Variants in KHDRBS1 observed in about 807,000 individuals in gnomAD.
KHDRBS1 encodes the protein KH RNA binding domain containing, signal transduction associated 1.
In KHDRBS1, 7 loss-of-function variants were observed where a neutral mutation model predicts 48.4. The ratio of observed to expected loss-of-function variants is 0.14; its 90% CI spans 0.08 to 0.27. The LOEUF (loss-of-function observed/expected upper bound fraction) is 0.27, where lower values mean the gene tolerates loss of function less well. KHDRBS1 is among the 10% of genes least tolerant of loss of function. The probability of loss-of-function intolerance (pLI) is 1.00; values close to 1 mark genes in which losing one functional copy is unlikely to be tolerated. For missense variants in KHDRBS1, 458 were observed against 601.2 expected, an observed-to-expected ratio of 0.76 and a Z score of 2.49; for synonymous variants, 241 against 235.8, an observed-to-expected ratio of 1.02 and a Z score of -0.20.
chr1:32,032,920 C>T (rs1639107977), intron 3 of KHDRBS1, among the ~76,000 whole-genome samples: 1 of 152,186 alleles, frequency 6.6e-6, no homozygotes, highest in Non-Finnish European at 1.5e-5. Flanking sequence ...GAACTCCTGA[C>T]CTTGTGATCC....
At position 32,042,524 on chromosome 1, in the gene KHDRBS1, C is replaced by A. The variant is rs945000150; in HGVS notation, c.1235-3C>A. The A allele has an allele frequency of 6.2e-6, 10 of 1,608,962 alleles. No individual in the cohort carries two copies. Among genetic ancestry groups the A allele is most frequent in the East Asian group, 4.5e-5 (2 of 44,860 alleles). On this transcript the variant is annotated splice_polypyrimidine_tract_variant and splice_region_variant and intron_variant, in intron 8 of 8. Transcript: ENST00000327300. Reference sequence around the variant, plus strand: ...TTATAAACTGTCTTTGTTTTCCCCACAGGCCAGGACGACTGGAATGGGACC... The same window carrying A: ...TTATAAACTGTCTTTGTTTTCCCCAAAGGCCAGGACGACTGGAATGGGACC...
chr1:32,030,036 G>T (rs943732626), intron 1 of KHDRBS1, among the ~76,000 whole-genome samples: 1 of 151,986 alleles, frequency 6.6e-6, no homozygotes, highest in Non-Finnish European at 1.5e-5. Context: ...TTGTTAAATT[G>T]ATTTAAGAAA....
chr1:32,054,494 G>A (rs1639458127), intron 10 of KHDRBS1: 5 of 152,126 alleles, frequency 3.3e-5, no homozygotes, highest in Admixed American at 3.3e-4. Flanking sequence ...ATCTCCTTGT[G>A]TCGTATTCCT....
At chr1:32,055,339 T>A (rs944626329) in intron 10 of KHDRBS1, among the ~76,000 whole-genome samples, 11 of 151,972 alleles carry the variant, frequency 7.2e-5, no homozygotes, top group African/African-American at 2.7e-4. Context: ...TCCCAGCTAC[T>A]TGGGAGGCTG....
intron 10 of KHDRBS1, among the ~76,000 whole-genome samples, chr1:32,049,910 C>T (rs1249193340): frequency 1.3e-5 from 2 of 152,148 alleles, no homozygotes; most frequent in African/African-American, 4.8e-5. Flanking sequence ...ATCCACCTGC[C>T]TCAGCCTCCC....
At chr1:32,028,023 A>G (rs1639008625) in intron 1 of KHDRBS1, among the ~76,000 whole-genome samples, 1 of 152,246 alleles carries the variant, frequency 6.6e-6, no homozygotes, top group South Asian at 2.1e-4. Flanking sequence ...AGGCTGAGGC[A>G]GGAGAATCGC....
At chr1:32,020,671 A>G (rs1358772154) in intron 1 of KHDRBS1, among the ~76,000 whole-genome samples, 1 of 152,188 alleles carries the variant, frequency 6.6e-6, no homozygotes. Flanking sequence ...CTTGATCACA[A>G]GAGAATTAAG....
At chr1:32,046,153 C>T (rs971525091), downstream of KHDRBS1, among the ~76,000 whole-genome samples, 18 of 151,800 alleles carry the variant, frequency 1.2e-4, no homozygotes, top group Admixed American at 1.1e-3. Flanking sequence ...TAATCCTATA[C>T]TATACTGTCC....
intron 4 of KHDRBS1, among the ~76,000 whole-genome samples, chr1:32,034,778 C>T (rs1391079941): frequency 6.6e-6 from 1 of 151,498 alleles, no homozygotes; most frequent in African/African-American, 2.4e-5. Context: ...GAGATCAAGG[C>T]CATCCTGGCT....
chr1:32,033,036 T>C, intron 3 of KHDRBS1, 152 bp from the exon 4 acceptor site: 1 of 602,862 alleles, frequency 1.7e-6, no homozygotes. Context: ...TTCTTTTTTC[T>C]TTTTTTGTTT....
intron 1 of KHDRBS1, among the ~76,000 whole-genome samples, chr1:32,027,452 G>A (rs1638996770): frequency 6.6e-6 from 1 of 152,242 alleles, no homozygotes; most frequent in East Asian, 1.9e-4. Flanking sequence ...AAACAGTAAG[G>A]GTTAGGGTTA....
downstream of KHDRBS1, among the ~76,000 whole-genome samples, chr1:32,045,070 A>G (rs1639341415): frequency 6.6e-6 from 1 of 152,328 alleles, no homozygotes; most frequent in African/African-American, 2.4e-5. Flanking sequence ...TAAATGACAC[A>G]TTGTAAAATT....
downstream of KHDRBS1, among the ~76,000 whole-genome samples, chr1:32,047,230 C>G (rs1220734482): frequency 6.6e-6 from 1 of 152,194 alleles, no homozygotes; most frequent in Non-Finnish European, 1.5e-5. Flanking sequence ...GTGATTTCAG[C>G]TTACTGCGAC....
intron 10 of KHDRBS1, among the ~76,000 whole-genome samples, chr1:32,056,454 A>C (rs1360882241): frequency 6.6e-6 from 1 of 152,196 alleles, no homozygotes; most frequent in Non-Finnish European, 1.5e-5. Flanking sequence ...ATATTGCATT[A>C]AGATGCCTGA....
intron 1 of KHDRBS1, among the ~76,000 whole-genome samples, chr1:32,025,432 T>G (rs1245956656): frequency 6.7e-6 from 1 of 150,336 alleles, no homozygotes; most frequent in Non-Finnish European, 1.5e-5. Context: ...TCCCAAACAG[T>G]TGGGACTACA....
intron 1 of KHDRBS1, among the ~76,000 whole-genome samples, chr1:32,014,682 C>G (rs999855283): frequency 2.3e-4 from 35 of 152,230 alleles, no homozygotes; most frequent in African/African-American, 8.0e-4. Flanking sequence ...TTGCGGCTGC[C>G]GGGCGCGCAG....
At position 32,043,813 on chromosome 1, in the gene KHDRBS1, G is replaced by A. The variant is rs1639325174; in HGVS notation, c.*1189G>A. The A allele has an allele frequency of 6.6e-6, 1 of 152,618 alleles. No homozygotes were observed. Among genetic ancestry groups the A allele is most frequent in the Non-Finnish European group, 1.5e-5 (1 of 68,034 alleles). 9.5% of individuals were successfully genotyped at this position (152,618 alleles called of 1,614,324 possible). A position where few individuals can be genotyped will look rare whatever the true frequency, so the allele number is the denominator to read the frequency against. On this transcript the variant is annotated 3_prime_UTR_variant, in exon 9 of 9. Coordinates refer to ENST00000327300, the MANE Select transcript of KHDRBS1 (RefSeq NM_006559.3). ...ATGTGTAAGTCTGCCTAAATAGGTA[G>A]CTTAAACTTATGTCAAAATGTCTGC...
Position 32,034,365 on chromosome 1 carries a change from C to G in KHDRBS1, c.771+1031C>G, listed in dbSNP as rs890317220. 2.0e-5 allele frequency among the ~76,000 whole-genome samples: 3 copies of G among 151,842 alleles called. No homozygotes were observed. The East Asian group carries it at 5.9e-4, about 30-fold the overall frequency. ...ATCACCTGAGGTCGGGAGTTCGAGA[C>G]CAGCCTGACCAACATGGAGAAACCC... On this transcript the variant is annotated intron_variant, in intron 4 of 8. Coordinates refer to ENST00000327300, the MANE Select transcript of KHDRBS1 (RefSeq NM_006559.3).
intron 4 of KHDRBS1, among the ~76,000 whole-genome samples, chr1:32,034,945 C>T (rs1186658723): frequency 1.3e-5 from 2 of 149,540 alleles, no homozygotes; most frequent in East Asian, 3.9e-4. Flanking sequence ...TGCGCCACTG[C>T]ACTCTGGCCT....
Sources: allele counts gnomAD v4.1 joint callset (sites outside exome capture counted in the v4.1 genomes callset), GRCh38; gene constraint gnomAD v4.1.1; transcripts MANE v1.5; gene names NCBI Gene and HGNC (gene_info 2026-07-23, HGNC 2026-07-21).